PRH1: variants seen among roughly 807,000 people sequenced by gnomAD.
PRH1 encodes proline rich protein HaeIII subfamily 1, also known as salivary acidic proline-rich phosphoprotein 1/2.
In PRH1, 7 loss-of-function variants were observed where a neutral mutation model predicts 7.9. That is an observed-to-expected ratio of 0.89 (90% CI 0.50 to 1.67). The LOEUF (loss-of-function observed/expected upper bound fraction) is 1.67. PRH1 is among the 40% of genes most tolerant of loss of function. PRH1 has a pLI of 0.00. For missense variants in PRH1, 109 were observed against 223.6 expected (o/e 0.49, Z 3.27); for synonymous variants, 45 against 80.8 (o/e 0.56, Z 2.38).
At chr12:11,094,317 A>C (rs1376114382) in intron 1 of PRH1, among the ~76,000 whole-genome samples, 1 of 109,724 alleles carries the variant, frequency 9.1e-6, no homozygotes, top group African/African-American at 3.1e-5. Flanking sequence ...AAAAAAAAAA[A>C]AAAAAAAACC....
intron 1 of PRH1, among the ~76,000 whole-genome samples, chr12:11,101,345 C>G (rs181309764): frequency 2.6e-5 from 4 of 152,238 alleles, no homozygotes; most frequent in Admixed American, 2.6e-4. Flanking sequence ...AAAAAATTAG[C>G]AGGGCGTAGT....
chr12:11,134,480 A>C (rs1040563264), intron 1 of PRH1: 2 of 523,304 alleles, frequency 3.8e-6, no homozygotes, highest in African/African-American at 3.8e-5. Flanking sequence ...AATTCAAATT[A>C]ACTGACTCAT....
intron 1 of PRH1, among the ~76,000 whole-genome samples, chr12:11,002,984 T>C (rs1350346012): frequency 6.6e-6 from 1 of 151,980 alleles, no homozygotes; most frequent in Non-Finnish European, 1.5e-5. Flanking sequence ...AATTCCCTAA[T>C]TGCTGCCAAT....
At chr12:10,965,032 G>GAGC in intron 2 of PRH1, 1 of 904,962 alleles carries the variant, frequency 1.1e-6, no homozygotes, top group Non-Finnish European at 1.7e-6. Context: ...CAATCTTGAG[G>GAGC]AAATAAAATA....
At chr12:10,901,932 G>C (rs1000749347) in intron 2 of PRH1, among the ~76,000 whole-genome samples, 5 of 152,026 alleles carry the variant, frequency 3.3e-5, no homozygotes, top group Non-Finnish European at 5.9e-5. Flanking sequence ...AAGAGAACAA[G>C]AATTCTACCA....
At chr12:10,912,258 T>C (rs1305230722) in intron 2 of PRH1, among the ~76,000 whole-genome samples, 2 of 152,162 alleles carry the variant, frequency 1.3e-5, no homozygotes, top group African/African-American at 4.8e-5. Context: ...ATGTAACTTA[T>C]TATTGAGTAC....
intron 1 of PRH1, chr12:10,997,293 A>G (rs1940316321): frequency 5.6e-6 from 9 of 1,614,132 alleles, no homozygotes; most frequent in Non-Finnish European, 7.6e-6. Flanking sequence ...AACAGCAGAA[A>G]AGATATCAGG....
intron 1 of PRH1, chr12:11,031,312 A>G (rs770535938): frequency 6.2e-7 from 1 of 1,609,708 alleles, no homozygotes; most frequent in Non-Finnish European, 8.5e-7. Flanking sequence ...CACTGGAAAA[A>G]ATGATGGGTA....
At chr12:10,939,262 CATTCATCTAAAATGCTATGTATATCTG>C in intron 2 of PRH1, 1 of 1,004,198 alleles carries the variant, frequency 1.0e-6, no homozygotes, top group Non-Finnish European at 1.4e-6. Flanking sequence ...CTTCTTAATG[CATTCATCTAAAATGCTATGTATATCTG>C]ATTCTTGAAA....
chr12:11,068,019 C>G (rs1239275224), intron 1 of PRH1, among the ~76,000 whole-genome samples: 1 of 133,518 alleles, frequency 7.5e-6, no homozygotes, highest in South Asian at 2.2e-4. Flanking sequence ...TATGTTTCTG[C>G]TTTTTTAACT....
At chr12:10,945,161 T>A (rs561731358) in intron 2 of PRH1, among the ~76,000 whole-genome samples, 5 of 152,198 alleles carry the variant, frequency 3.3e-5, no homozygotes, top group African/African-American at 1.2e-4. Context: ...CTGGTAGAAT[T>A]TGGCTGTGAA....
At chr12:11,135,188 T>A (rs564786815) in intron 1 of PRH1, among the ~76,000 whole-genome samples, 1 of 152,176 alleles carries the variant, frequency 6.6e-6, no homozygotes, top group African/African-American at 2.4e-5. Context: ...CCCTTTGATA[T>A]ATAATCTTGC....
chr12:11,160,389 T>C (rs935030324), intron 1 of PRH1, among the ~76,000 whole-genome samples: 2 of 152,212 alleles, frequency 1.3e-5, no homozygotes, highest in Non-Finnish European at 2.9e-5. Flanking sequence ...ACGAGGAAGA[T>C]ACAAATGCTT....
At chr12:11,123,505 A>C (rs1161554720) in intron 1 of PRH1, among the ~76,000 whole-genome samples, 2 of 152,106 alleles carry the variant, frequency 1.3e-5, no homozygotes, top group Non-Finnish European at 2.9e-5. Context: ...ACAAGACACT[A>C]TTGTTTTCTA....
chr12:11,122,005 A>G (rs1332585492), intron 1 of PRH1, among the ~76,000 whole-genome samples: 2 of 152,260 alleles, frequency 1.3e-5, no homozygotes, highest in Non-Finnish European at 2.9e-5. Flanking sequence ...CTATCATATA[A>G]TAAACATACA....
At chr12:11,040,836 G>C (rs1942678222) in intron 1 of PRH1, among the ~76,000 whole-genome samples, 1 of 152,146 alleles carries the variant, frequency 6.6e-6, no homozygotes, top group Admixed American at 6.5e-5. Context: ...TTTTGTTTTT[G>C]TGCTTGTTTG....
chr12:10,930,718 G>C, intron 2 of PRH1: 1 of 1,613,820 alleles, frequency 6.2e-7, no homozygotes, highest in Non-Finnish European at 8.5e-7. Flanking sequence ...ACCTTTGGGA[G>C]GACAGCAATC....
At chr12:10,975,392 C>T (rs908389048) in intron 1 of PRH1, among the ~76,000 whole-genome samples, 3 of 152,156 alleles carry the variant, frequency 2.0e-5, no homozygotes, top group African/African-American at 7.2e-5. Context: ...TTCATTACCA[C>T]CAGCCGTGCC....
At chr12:11,011,397 A>C (rs915765354) in intron 1 of PRH1, among the ~76,000 whole-genome samples, 15 of 152,124 alleles carry the variant, frequency 9.9e-5, no homozygotes, top group African/African-American at 3.6e-4. Flanking sequence ...AGCTCAATTA[A>C]ATTTCTATTC....
Sources: allele counts gnomAD v4.1 joint callset (sites outside exome capture counted in the v4.1 genomes callset), GRCh38; gene constraint gnomAD v4.1.1; transcripts MANE v1.5; gene names NCBI Gene and HGNC (gene_info 2026-07-23, HGNC 2026-07-21).